ZNF141: variants seen among roughly 807,000 people sequenced by gnomAD.
ZNF141 encodes the protein zinc finger protein 141 (clone pHZ-44).
A neutral mutation model predicts 11.3 loss-of-function variants in ZNF141; 7 were observed. The ratio of observed to expected loss-of-function variants is 0.62; its 90% CI spans 0.35 to 1.16. The LOEUF (loss-of-function observed/expected upper bound fraction) is 1.16, where lower values mean the gene tolerates loss of function less well. Ranked by LOEUF, ZNF141 falls within the 50% of genes most tolerant of loss-of-function variation. The probability of loss-of-function intolerance (pLI) is 0.02; values close to 1 mark genes in which losing one functional copy is unlikely to be tolerated. For synonymous variants in ZNF141, 183 were observed against 190.7 expected, an observed-to-expected ratio of 0.96 and a Z score of 0.33; for missense variants, 535 against 554.0, an observed-to-expected ratio of 0.97 and a Z score of 0.34.
At chr4:356,890 GT>G (rs368457199) in intron 3 of ZNF141, among the ~76,000 whole-genome samples, 54 of 147,506 alleles carry the variant, frequency 3.7e-4, no homozygotes, top group East Asian at 3.2e-3. Context: ...GCATCTACTA[GT>G]TTTTTTTTTG....
At position 384,506 on chromosome 4, in the gene ZNF141, A is replaced by C. The variant is rs1712824572; in HGVS notation, c.*10644A>C. On this transcript the variant is annotated 3_prime_UTR_variant, in exon 4 of 4. Coordinates refer to ENST00000240499, the MANE Select transcript of ZNF141 (RefSeq NM_003441.4). ...TTGATCAGAAGAGACTGTCCCACTT[A>C]GGCCCAGGTGTAATGAATCAACCTA... The C allele has an allele frequency of 6.6e-6, 1 of 152,208 alleles. No homozygotes were observed. Among genetic ancestry groups the C allele is most frequent in the African/African-American group, 2.4e-5 (1 of 41,444 alleles). 9.4% of individuals were successfully genotyped at this position (152,208 alleles called of 1,614,324 possible).
intron 3 of ZNF141, chr4:358,341 A>G: frequency 3.0e-6 from 1 of 335,456 alleles, no homozygotes; most frequent in South Asian, 2.2e-5. Flanking sequence ...ATGAGCCACC[A>G]CACCTGGCTA....
intron 1 of ZNF141, among the ~76,000 whole-genome samples, chr4:338,993 C>A (rs1484047080): frequency 1.3e-5 from 2 of 152,208 alleles, no homozygotes; most frequent in African/African-American, 4.8e-5. Context: ...GGAGAGAGGG[C>A]GCTGAGAACT....
rs782181079 is a variant in ZNF141, at chr4:373,605, A to G, written c.1168A>G (p.Thr390Ala). 8.1e-6 allele frequency: 13 copies of G among 1,614,062 alleles called. No individual in the cohort carries two copies. Among genetic ancestry groups the G allele is most frequent in the Non-Finnish European group, 1.1e-5 (13 of 1,179,992 alleles). The change falls in exon 4 of 4, where the codon ACT becomes GCT. Residue 390 changes from threonine to alanine, a missense_variant. Physicochemically the swap from Thr to Ala is moderately conservative, Grantham distance 58 (BLOSUM62 0). Transcript: ENST00000240499. ...CCTGAATGAACATAAAAAAATTCAT[A>G]CTGGAGAGAAACCCTACAAATGTGA... ...RVLNEHKKIH[T>A]GEKPYKCEEC...
rs1194152554 is a variant in ZNF141, at chr4:381,843, T to C, written c.*7981T>C. ...CAGCCTATCCACCTACCACAGAAAG[T>C]AGCTGTAGTTCATTGCTGGGGCCAC... is the stretch of plus-strand genomic sequence containing the variant. On this transcript the variant is annotated 3_prime_UTR_variant, in exon 4 of 4. Transcript: ENST00000240499. Among the ~76,000 whole-genome samples, 2 of 151,896 alleles carry C rather than the reference T, an allele frequency of 1.3e-5. No individual in the cohort carries two copies. The highest frequency in any genetic ancestry group is 1.9e-4 in the East Asian group (1 of 5,164).
At chr4:350,469 G>T (rs1490641071) in intron 3 of ZNF141, among the ~76,000 whole-genome samples, 2 of 152,168 alleles carry the variant, frequency 1.3e-5, no homozygotes, top group Non-Finnish European at 2.9e-5. Flanking sequence ...TGAAGCTAAA[G>T]AATATTTCAT....
Position 381,946 on chromosome 4 carries a change from CTTTT to C in ZNF141, c.*8100_*8103del, listed in dbSNP as rs34905613. Among the ~76,000 whole-genome samples, 3 of 105,930 alleles carry C rather than the reference CTTTT, an allele frequency of 2.8e-5. No homozygotes were observed. Among genetic ancestry groups the C allele is most frequent in the African/African-American group, 8.9e-5 (2 of 22,442 alleles). 69.5% of individuals were successfully genotyped at this position (105,930 alleles called of 152,430 possible). A position where few individuals can be genotyped will look rare whatever the true frequency, so the allele number is the denominator to read the frequency against. ...CTAGGGCCACCACCATCTCTGGGAA[CTTTT>C]TTTTTTTTTTTTTTTGAGACGGAGT... On this transcript the variant is annotated 3_prime_UTR_variant, in exon 4 of 4. Coordinates refer to ENST00000240499, the MANE Select transcript of ZNF141 (RefSeq NM_003441.4).
At chr4:359,430 G>C (rs1320700140) in intron 3 of ZNF141, among the ~76,000 whole-genome samples, 1 of 152,224 alleles carries the variant, frequency 6.6e-6, no homozygotes, top group African/African-American at 2.4e-5. Flanking sequence ...CAGGTTTCTA[G>C]ATGACCGTTA....
chr4:367,519 C>CTT (rs782804343), intron 3 of ZNF141, among the ~76,000 whole-genome samples: 31,522 of 140,856 alleles, frequency 0.22, 3,690 homozygotes, highest in Middle Eastern at 0.28. Flanking sequence ...ACTTTACAAT[C>CTT]TTTTTTTTTT....
intron 3 of ZNF141, among the ~76,000 whole-genome samples, chr4:360,712 TA>T (rs1162915900): frequency 1.3e-5 from 2 of 152,070 alleles, no homozygotes; most frequent in South Asian, 2.1e-4. Flanking sequence ...TGGAGCAAGT[TA>T]AAAAAATATA....
At chr4:354,072 G>C (rs1721737245) in intron 3 of ZNF141, among the ~76,000 whole-genome samples, 1 of 152,156 alleles carries the variant, frequency 6.6e-6, no homozygotes, top group Non-Finnish European at 1.5e-5. Context: ...GCCAGATCTT[G>C]AATCTGCACC....
At chr4:371,589 G>A (rs1210920589) in intron 3 of ZNF141, among the ~76,000 whole-genome samples, 1 of 148,508 alleles carries the variant, frequency 6.7e-6, no homozygotes, top group East Asian at 2.0e-4. Context: ...TCCCAGGCTG[G>A]AGTGCAGTGG....
chr4:369,836 A>G (rs558492602), intron 3 of ZNF141, among the ~76,000 whole-genome samples: 1 of 138,850 alleles, frequency 7.2e-6, no homozygotes, highest in South Asian at 2.3e-4. Context: ...GCATGATCTC[A>G]GCTCACTGCA....
intron 3 of ZNF141, among the ~76,000 whole-genome samples, chr4:364,092 C>G (rs1375925582): frequency 1.3e-5 from 2 of 152,086 alleles, no homozygotes; most frequent in African/African-American, 4.8e-5. Context: ...ATTTGGTTTG[C>G]CAGTATTTTA....
intron 3 of ZNF141, among the ~76,000 whole-genome samples, chr4:353,537 T>C (rs1442812275): frequency 1.3e-5 from 2 of 150,444 alleles, no homozygotes; most frequent in Non-Finnish European, 3.0e-5. Flanking sequence ...CTCGGCTCAC[T>C]GCAACCTCCA....
At chr4:349,768 G>A (rs1374010876) in intron 3 of ZNF141, among the ~76,000 whole-genome samples, 4 of 152,144 alleles carry the variant, frequency 2.6e-5, no homozygotes, top group African/African-American at 9.7e-5. Flanking sequence ...GGACAGTCAT[G>A]GATTATTTCT....
At chr4:349,388 T>A (rs1180027373) in intron 3 of ZNF141, among the ~76,000 whole-genome samples, 1 of 152,260 alleles carries the variant, frequency 6.6e-6, no homozygotes, top group Non-Finnish European at 1.5e-5. Context: ...TGTATATGCA[T>A]GATGATATTA....
intron 1 of ZNF141, 151 bp downstream of exon 1, chr4:338,137 T>A: frequency 1.0e-6 from 1 of 998,638 alleles, no homozygotes; most frequent in Non-Finnish European, 1.4e-6. Context: ...CCTGGGCTCC[T>A]GTCGGTCCCC....
chr4:374,912 GAA>G lies in ZNF141; in HGVS notation c.*1052_*1053del, dbSNP rs1440720249. ...CACTCAATCTATTCTAAATATAAGA[GAA>G]ATGATATTGGTGAGAAGCCACAAAA... On this transcript the variant is annotated 3_prime_UTR_variant, in exon 4 of 4. Coordinates refer to ENST00000240499, the MANE Select transcript of ZNF141 (RefSeq NM_003441.4). 2 of 152,058 alleles carry G rather than the reference GAA, an allele frequency of 1.3e-5. No homozygotes were observed. Among genetic ancestry groups the G allele is most frequent in the Non-Finnish European group, 1.5e-5 (1 of 67,990 alleles). 9.4% of individuals were successfully genotyped at this position (152,058 alleles called of 1,614,324 possible).
Sources: gnomAD v4.1 joint callset for allele counts (sites outside exome capture counted in the v4.1 genomes callset) on GRCh38, gnomAD v4.1.1 for gene constraint, MANE v1.5 for transcripts, NCBI Gene and HGNC (gene_info 2026-07-23, HGNC 2026-07-21) for gene names.